The following ZNF721 variants were observed in gnomAD, a reference collection of about 807,000 sequenced individuals.
ZNF721 encodes zinc finger protein 721.
A neutral mutation model predicts 2.4 loss-of-function variants in ZNF721; 2 were observed. The ratio of observed to expected loss-of-function variants is 0.82; its 90% CI spans 0.34 to 2.58. ZNF721 has a LOEUF of 2.58. Among genes scored for constraint, ZNF721 ranks in the 30% most tolerant of loss-of-function variants. The probability of loss-of-function intolerance (pLI) is 0.11; values close to 1 mark genes in which losing one functional copy is unlikely to be tolerated. For missense variants in ZNF721, 1,187 were observed against 1,085.5 expected (o/e 1.09, Z -1.31); for synonymous variants, 398 against 381.8 (o/e 1.04, Z -0.50).
chr4:458,293 G>A (rs1199270521), intron 2 of ZNF721, among the ~76,000 whole-genome samples: 3 of 152,158 alleles, frequency 2.0e-5, no homozygotes, highest in African/African-American at 7.2e-5. Flanking sequence ...GGTCTCCCAA[G>A]CATGAATTTC....
At chr4:450,866 G>A (rs1714626093) in intron 2 of ZNF721, among the ~76,000 whole-genome samples, 1 of 147,858 alleles carries the variant, frequency 6.8e-6, no homozygotes, top group Admixed American at 6.8e-5. Context: ...GAACCCAGGA[G>A]GCGGAGCTTG....
chr4:496,832 C>G (rs1439718889), intron 1 of ZNF721, among the ~76,000 whole-genome samples: 1 of 150,794 alleles, frequency 6.6e-6, no homozygotes, highest in South Asian at 2.1e-4. Flanking sequence ...CCTGCCTCAG[C>G]CTTTTGAGTA....
intron 2 of ZNF721, among the ~76,000 whole-genome samples, chr4:456,945 TAG>T (rs1258073572): frequency 3.3e-5 from 5 of 152,090 alleles, no homozygotes; most frequent in African/African-American, 1.2e-4. Context: ...CCCAGTAAAA[TAG>T]AGTTGAAAGA....
At chr4:474,957 G>A (rs1385937084) in intron 1 of ZNF721, among the ~76,000 whole-genome samples, 1 of 152,086 alleles carries the variant, frequency 6.6e-6, no homozygotes, top group Non-Finnish European at 1.5e-5. Context: ...GGGAGGCCGG[G>A]GCGGGTGGAT....
At position 441,618 on chromosome 4, in the gene ZNF721, C is replaced by G; in HGVS notation, c.*77G>C. The G allele has an allele frequency of 8.0e-7, 1 of 1,247,460 alleles. No individual in the cohort carries two copies. The highest frequency in any genetic ancestry group is 1.1e-6 in the Non-Finnish European group (1 of 908,928). The allele number at this position is 1,247,460 out of a possible 1,614,324, so 77.3% of individuals were successfully genotyped here. On this transcript the variant is annotated 3_prime_UTR_variant, in exon 3 of 3. Coordinates refer to ENST00000511833, the MANE Select transcript of ZNF721 (RefSeq NM_133474.4). ...TAAAGACCGCGACATTCGTCACCTT[C>G]GTAAGACATTCCCCTGGTATGAGTT...
Position 499,131 on chromosome 4 carries a change from G to A in ZNF721, c.-169C>T, listed in dbSNP as rs782195723. 7.3e-5 allele frequency: 43 copies of A among 587,330 alleles called. No homozygotes were observed. The highest frequency in any genetic ancestry group is 1.0e-4 in the Non-Finnish European group (36 of 343,978). 36.4% of individuals were successfully genotyped at this position (587,330 alleles called of 1,614,324 possible). ...GAGCCGGGAACACCGCCCGCTGTTC[G>A]TATGTCCGAGGTGACGCCCCGCTGT... On this transcript the variant is annotated 5_prime_UTR_variant, in exon 1 of 3. In the 5' UTR this introduces an upstream ATG that the reference lacks. Transcript: ENST00000511833.
chr4:456,204 G>A lies in ZNF721; in HGVS notation c.35-11772C>T, dbSNP rs538894492. 7.9e-5 allele frequency among the ~76,000 whole-genome samples: 12 copies of A among 152,124 alleles called. 1 individual carries two copies. The South Asian group carries it at 2.1e-3, about 26-fold the overall frequency. ...TCCTGCCTTAGTCTCCTGAGTAGCT[G>A]GGATTACAGGCATGCGCCACCACAC... On this transcript the variant is annotated intron_variant, in intron 2 of 2. Transcript: ENST00000511833.
At chr4:488,368 AC>A (rs1461118909) in intron 1 of ZNF721, among the ~76,000 whole-genome samples, 5 of 152,194 alleles carry the variant, frequency 3.3e-5, no homozygotes, top group Non-Finnish European at 7.4e-5. Flanking sequence ...GGAGAAAAAC[AC>A]ACAGTTACAG....
intron 1 of ZNF721, among the ~76,000 whole-genome samples, chr4:495,331 CAAA>C (rs548290022): frequency 1.1e-5 from 1 of 90,498 alleles, no homozygotes; most frequent in Admixed American, 1.2e-4. Flanking sequence ...AACTTTTGCT[CAAA>C]AAAAAAAAAA....
intron 1 of ZNF721, among the ~76,000 whole-genome samples, chr4:478,750 T>C (rs1330326223): frequency 6.6e-6 from 1 of 151,544 alleles, no homozygotes; most frequent in Non-Finnish European, 1.5e-5. Context: ...GTTTTGTACA[T>C]TGTGCAAAGG....
intron 1 of ZNF721, among the ~76,000 whole-genome samples, chr4:489,538 T>C (rs12642065): frequency 0.19 from 29,335 of 152,154 alleles, 3,210 homozygotes; most frequent in Middle Eastern, 0.26. Flanking sequence ...ACTCTCAGCT[T>C]GCAGCCCCTG....
Position 444,311 on chromosome 4 carries a change from G to T in ZNF721, c.156C>A (p.Gly52=). ...CTTTACACACGTTCATACTTTTACA[G>T]CCTTTCCTTAATTGTAAATTATCAT... is the stretch of plus-strand genomic sequence containing the variant. ...CGHDNLQLRK[G]CKSMNVCKVQ... Residue 52 remains glycine (G), a synonymous_variant, in exon 3 of 3, where the codon GGC becomes GGA. Transcript: ENST00000511833. The T allele has an allele frequency of 6.2e-7, 1 of 1,613,978 alleles. No individual in the cohort carries two copies. Among genetic ancestry groups the T allele is most frequent in the South Asian group, 1.1e-5 (1 of 91,060 alleles).
chr4:490,362 G>C (rs1225387155), intron 1 of ZNF721, among the ~76,000 whole-genome samples: 1 of 151,986 alleles, frequency 6.6e-6, no homozygotes, highest in African/African-American at 2.4e-5. Context: ...TGTAGTCCCA[G>C]CTACTCAGGA....
At chr4:484,441 G>A (rs1576971662) in intron 1 of ZNF721, among the ~76,000 whole-genome samples, 1 of 152,240 alleles carries the variant, frequency 6.6e-6, no homozygotes, top group South Asian at 2.1e-4. Context: ...GACCACCGGT[G>A]AGCCGGGCGG....
intron 1 of ZNF721, among the ~76,000 whole-genome samples, chr4:478,375 T>G (rs1553868905): frequency 6.6e-6 from 1 of 152,200 alleles, no homozygotes; most frequent in Non-Finnish European, 1.5e-5. Context: ...TTACATGTTG[T>G]AAAGATTTAC....
At chr4:459,774 T>C (rs1714960405) in intron 2 of ZNF721, among the ~76,000 whole-genome samples, 1 of 149,388 alleles carries the variant, frequency 6.7e-6, no homozygotes, top group Non-Finnish European at 1.5e-5. Context: ...GAGCTTCCAG[T>C]GAGCTGAGAT....
intron 2 of ZNF721, among the ~76,000 whole-genome samples, chr4:465,731 G>A (rs1354775033): frequency 1.3e-5 from 2 of 151,360 alleles, no homozygotes; most frequent in African/African-American, 4.8e-5. Flanking sequence ...ACTGTGCCTG[G>A]CCAAGCTACG....
intron 2 of ZNF721, among the ~76,000 whole-genome samples, chr4:450,008 C>G (rs963524425): frequency 2.6e-5 from 4 of 151,990 alleles, no homozygotes; most frequent in Non-Finnish European, 4.4e-5. Flanking sequence ...ATGTTTAAAC[C>G]ATCAACAAAT....
Position 443,850 on chromosome 4 carries a change from G to C in ZNF721, c.617C>G (p.Thr206Arg), listed in dbSNP as rs1181795368. ...AATTTTCTTATATTCATTCAGGTTT[G>C]TGGACCATCCAAAGGCTCTGTCACG... ...EDRDRAFGWS[T>R]NLNEYKKIHT... The change falls in exon 3 of 3, where the codon ACA becomes AGA. Residue 206 changes from threonine (T) to arginine (R), a missense_variant. By Grantham distance (71) the Thr-to-Arg change is moderately conservative (BLOSUM62 -1). Coordinates refer to ENST00000511833, the MANE Select transcript of ZNF721 (RefSeq NM_133474.4). 3.1e-6 allele frequency: 5 copies of C among 1,613,820 alleles called. No homozygotes were observed. The highest frequency in any genetic ancestry group is 4.2e-6 in the Non-Finnish European group (5 of 1,179,894).
Sources: allele counts gnomAD v4.1 joint callset (sites outside exome capture counted in the v4.1 genomes callset), GRCh38; gene constraint gnomAD v4.1.1; transcripts MANE v1.5; gene names NCBI Gene and HGNC (gene_info 2026-07-23, HGNC 2026-07-21).